HADHB: variants seen among roughly 807,000 people sequenced by gnomAD.
HADHB encodes the protein hydroxyacyl-CoA dehydrogenase trifunctional multienzyme complex subunit beta, also known as trifunctional enzyme subunit beta, mitochondrial.
HADHB carries 50 observed loss-of-function variants against 61.9 expected under a neutral mutation model. That is an observed-to-expected ratio of 0.81 (90% CI 0.64 to 1.02). The LOEUF (loss-of-function observed/expected upper bound fraction) is 1.02. Ranked by LOEUF, HADHB falls within the 50% of genes least tolerant of loss-of-function variation. HADHB has a pLI of 0.00. For missense variants in HADHB, 504 were observed against 586.5 expected (o/e 0.86, Z 1.45); for synonymous variants, 191 against 201.6 (o/e 0.95, Z 0.45).
intron 3 of HADHB, among the ~76,000 whole-genome samples, chr2:26,262,542 A>G (rs1384953444): frequency 6.6e-6 from 1 of 152,232 alleles, no homozygotes; most frequent in South Asian, 2.1e-4. Flanking sequence ...AAAAAAAACC[A>G]TAGGCACACA....
chr2:26,271,227 G>A (rs1265314041), intron 5 of HADHB, among the ~76,000 whole-genome samples: 1 of 151,078 alleles, frequency 6.6e-6, no homozygotes, highest in Non-Finnish European at 1.5e-5. Flanking sequence ...AAAAAACTGG[G>A]CCAAGCACGG....
chr2:26,261,066 G>A (rs1671840283), intron 3 of HADHB: 1 of 1,369,030 alleles, frequency 7.3e-7, no homozygotes, highest in Middle Eastern at 1.8e-4. Flanking sequence ...GATCATTGGT[G>A]AGTCCAGTAC....
In HADHB at chr2:26,254,445, G is replaced by C. The variant is rs1295452279; in HGVS notation, c.80G>C (p.Ser27Thr). 2.5e-6 allele frequency: 4 copies of C among 1,605,906 alleles called. No individual in the cohort carries two copies. The Admixed American group carries it at 6.7e-5, about 27-fold the overall frequency. The change falls in exon 3 of 16, where the codon AGC becomes ACC. Residue 27 changes from serine (S) to threonine (T), a missense_variant. By Grantham distance (58) the Ser-to-Thr change is moderately conservative. Transcript: ENST00000317799. ...WALRFSIRPLSCSSQLRAAPA... is the reference protein window; with the variant it reads ...WALRFSIRPLTCSSQLRAAPA... Reference sequence around the variant, plus strand: ...TGTCTTCCAGCCATAAGACCTCTGAGCTGTTCCTCCCAGCTACGAGCTGCC... The same window carrying C: ...TGTCTTCCAGCCATAAGACCTCTGACCTGTTCCTCCCAGCTACGAGCTGCC...
intron 9 of HADHB, 151 bp downstream of exon 9, chr2:26,279,466 A>T (rs1311901294): frequency 2.9e-6 from 2 of 685,402 alleles, no homozygotes; most frequent in East Asian, 5.4e-5. Context: ...ATTTTGATTT[A>T]TGTTGTAACA....
intron 10 of HADHB, among the ~76,000 whole-genome samples, chr2:26,282,235 T>C (rs1239140586): frequency 6.6e-6 from 1 of 151,514 alleles, no homozygotes; most frequent in Non-Finnish European, 1.5e-5. Context: ...TTAGTGTTTA[T>C]TATGAGCAGT....
chr2:26,267,726 C>T (rs559920465), intron 4 of HADHB, among the ~76,000 whole-genome samples: 122 of 146,952 alleles, frequency 8.3e-4, no homozygotes, highest in Admixed American at 1.1e-3. Flanking sequence ...GAGCCGACAT[C>T]GTGCCACTGC....
At chr2:26,264,114 T>A (rs1205417135) in intron 4 of HADHB, among the ~76,000 whole-genome samples, 1 of 152,192 alleles carries the variant, frequency 6.6e-6, no homozygotes, top group African/African-American at 2.4e-5. Context: ...TTTAGATTGT[T>A]TTAATGTTTA....
intron 3 of HADHB, chr2:26,261,593 G>A (rs2147808352): frequency 6.5e-6 from 1 of 152,828 alleles, no homozygotes; most frequent in East Asian, 1.9e-4. Context: ...TGGCAAACAA[G>A]GTAAAACCCC....
rs1380462359 is a variant in HADHB at position 26,278,213 on chromosome 2, C to T, written c.443-401C>T. The stretch of plus-strand genomic sequence containing the variant: ...CAGTGGCCATAAGGAGAGAGGGGGC[C>T]TGCCTTACGTTTCAACAGCTGTAAT... On this transcript the variant is annotated intron_variant, in intron 7 of 15. Transcript: ENST00000317799. Among the ~76,000 whole-genome samples, 3 of 151,844 alleles carry T rather than the reference C, an allele frequency of 2.0e-5. No individual in the cohort carries two copies. The East Asian group carries it at 5.8e-4, about 29-fold the overall frequency.
chr2:26,249,386 C>T (rs896865359), intron 1 of HADHB, among the ~76,000 whole-genome samples: 2 of 151,882 alleles, frequency 1.3e-5, no homozygotes, highest in African/African-American at 4.8e-5. Context: ...TGGTGTGCGC[C>T]TGTAGTCCCA....
rs769558977 is a variant in HADHB at position 26,280,101 on chromosome 2, A to T, written c.919A>T (p.Asn307Tyr). Reference sequence around the variant, plus strand: ...GCCCTACGGCACAGTGACAGCTGCAAATTCTTCTTTCTTGGTAACTGTCAA... The same window carrying T: ...GCCCTACGGCACAGTGACAGCTGCATATTCTTCTTTCTTGGTAACTGTCAA... ...IKPYGTVTAA[N>Y]SSFLTDGASA... Residue 307 changes from asparagine to tyrosine, a missense_variant, in exon 10 of 16, where the codon AAT (asparagine) becomes TAT (tyrosine). Transcript: ENST00000317799. 6.2e-7 allele frequency: 1 copy of T among 1,612,754 alleles called. No individual in the cohort carries two copies. The highest frequency in any genetic ancestry group is 1.3e-5 in the African/African-American group (1 of 74,922).
chr2:26,270,603 C>T (rs1171133919), intron 5 of HADHB, among the ~76,000 whole-genome samples: 1 of 151,940 alleles, frequency 6.6e-6, no homozygotes, highest in Non-Finnish European at 1.5e-5. Context: ...AGTGAAAGAG[C>T]AGTTGTTTCT....
chr2:26,269,517 G>A (rs1672249797), intron 4 of HADHB, among the ~76,000 whole-genome samples: 1 of 152,014 alleles, frequency 6.6e-6, no homozygotes, highest in Admixed American at 6.6e-5. Flanking sequence ...CAATTCTTTG[G>A]TAAATCTCAA....
At chr2:26,288,445 A>G (rs1014275121) in intron 15 of HADHB, among the ~76,000 whole-genome samples, 1 of 151,998 alleles carries the variant, frequency 6.6e-6, no homozygotes, top group African/African-American at 2.4e-5. Flanking sequence ...GTGGTAGCTC[A>G]TGCCTGTAAT....
At chr2:26,289,539 C>T (rs1321499077) in intron 15 of HADHB, among the ~76,000 whole-genome samples, 1 of 152,132 alleles carries the variant, frequency 6.6e-6, no homozygotes, top group African/African-American at 2.4e-5. Context: ...CTGGATTTCT[C>T]ATTTTAACAG....
chr2:26,259,973 G>T (rs1671793071), intron 3 of HADHB, among the ~76,000 whole-genome samples: 1 of 152,078 alleles, frequency 6.6e-6, no homozygotes. Flanking sequence ...AGAAGTAGTG[G>T]AAAATACTTA....
intron 5 of HADHB, among the ~76,000 whole-genome samples, chr2:26,271,000 T>C (rs971032966): frequency 1.3e-5 from 2 of 150,040 alleles, no homozygotes; most frequent in African/African-American, 4.9e-5. Flanking sequence ...TGCCTCAGCC[T>C]CCCGAGTACC....
Position 26,285,555 on chromosome 2 carries a change from G to C in HADHB, c.1373G>C (p.Cys458Ser). The C allele has an allele frequency of 6.2e-7, 1 of 1,613,818 alleles. No individual in the cohort carries two copies. ...GGCCAGTATGGCTTAGTGGCTGCGTGTGCAGCTGGAGGGCAGGTACGTTAC... is the reference window on the plus strand; with the variant it reads ...GGCCAGTATGGCTTAGTGGCTGCGTCTGCAGCTGGAGGGCAGGTACGTTAC... ...EGGQYGLVAA[C>S]AAGGQGHAMI... The change falls in exon 15 of 16, where the codon TGT becomes TCT. Residue 458 changes from cysteine (C) to serine (S), a missense_variant. Coordinates refer to ENST00000317799, the MANE Select transcript of HADHB (RefSeq NM_000183.3).
intron 3 of HADHB, among the ~76,000 whole-genome samples, chr2:26,255,321 GA>G (rs1307068907): frequency 6.6e-6 from 1 of 151,922 alleles, no homozygotes; most frequent in African/African-American, 2.4e-5. Flanking sequence ...TCAACATGGC[GA>G]AACCCCATCT....
Sources: gnomAD v4.1 joint callset for allele counts (sites outside exome capture counted in the v4.1 genomes callset) on GRCh38, gnomAD v4.1.1 for gene constraint, MANE v1.5 for transcripts, NCBI Gene and HGNC (gene_info 2026-07-23, HGNC 2026-07-21) for gene names.